Variants in ADARB2 observed in about 807,000 individuals in gnomAD.
ADARB2 encodes the protein adenosine deaminase RNA specific B2 (inactive).
ADARB2 carries 25 observed loss-of-function variants against 62.2 expected under a neutral mutation model. The observed-to-expected ratio is 0.40, with a 90% CI of 0.29 to 0.56. The LOEUF (loss-of-function observed/expected upper bound fraction) is 0.56, where lower values mean the gene tolerates loss of function less well. ADARB2 is among the 20% of genes least tolerant of loss of function. The pLI is 0.43. For missense variants in ADARB2, 1,071 were observed against 1,077.4 expected (o/e 0.99, Z 0.08); for synonymous variants, 572 against 500.8 (o/e 1.14, Z -1.90).
intron 1 of ADARB2, among the ~76,000 whole-genome samples, chr10:1,532,046 G>A (rs996677172): frequency 6.6e-6 from 1 of 152,184 alleles, no homozygotes; most frequent in Non-Finnish European, 1.5e-5. Context: ...ATTTGAATCA[G>A]AGCAAAACAT....
At chr10:1,483,849 T>C (rs111228313) in intron 1 of ADARB2, among the ~76,000 whole-genome samples, 2,947 of 152,322 alleles carry the variant, frequency 0.019, 84 homozygotes, top group African/African-American at 0.065. Flanking sequence ...GCTGGAATTA[T>C]CCCTCCAGTT....
intron 3 of ADARB2, among the ~76,000 whole-genome samples, chr10:1,276,084 T>C (rs192186223): frequency 0.093 from 14,060 of 151,962 alleles, 1,510 homozygotes; most frequent in African/African-American, 0.26. Context: ...ATCGCCACAC[T>C]GACTTCCACA....
chr10:1,261,628 A>C (rs1831137899), intron 4 of ADARB2, among the ~76,000 whole-genome samples: 1 of 149,738 alleles, frequency 6.7e-6, no homozygotes, highest in Non-Finnish European at 1.5e-5. Context: ...CAATCATTAA[A>C]AAGTCAGGAA....
chr10:1,258,575 G>T (rs1316024765), intron 4 of ADARB2, among the ~76,000 whole-genome samples: 1 of 152,060 alleles, frequency 6.6e-6, no homozygotes, highest in Non-Finnish European at 1.5e-5. Context: ...AATGGTAAAG[G>T]GATCAATTCA....
At chr10:1,412,188 G>A (rs1346073702) in intron 1 of ADARB2, among the ~76,000 whole-genome samples, 2 of 152,116 alleles carry the variant, frequency 1.3e-5, no homozygotes, top group Non-Finnish European at 2.9e-5. Context: ...GGACGGGTTC[G>A]GAGCGTGCTG....
intron 1 of ADARB2, among the ~76,000 whole-genome samples, chr10:1,732,861 A>C (rs1177681915): frequency 6.6e-6 from 1 of 152,198 alleles, no homozygotes; most frequent in Non-Finnish European, 1.5e-5. Flanking sequence ...CATCTGCTCG[A>C]CTTATTTTGT....
chr10:1,456,755 C>CT (rs1245293197), intron 1 of ADARB2, among the ~76,000 whole-genome samples: 1 of 152,150 alleles, frequency 6.6e-6, no homozygotes, highest in Non-Finnish European at 1.5e-5. Context: ...GTTGAGACTT[C>CT]TGTAAGAAAA....
At chr10:1,539,500 C>A (rs1370794685) in intron 1 of ADARB2, among the ~76,000 whole-genome samples, 1 of 152,194 alleles carries the variant, frequency 6.6e-6, no homozygotes, top group Non-Finnish European at 1.5e-5. Flanking sequence ...GACTAGGCTA[C>A]CTATGGTGGT....
rs542293913 is a variant in ADARB2 at position 1,504,777 on chromosome 10, A to G, written c.101-125617T>C. On this transcript the variant is annotated intron_variant, in intron 1 of 9. Transcript: ENST00000381312. The stretch of plus-strand genomic sequence containing the variant: ...AAAATTCTTAAAAAGTATTCTTACT[A>G]TTCATTTTTTGCTATTAATATACAA... Among the ~76,000 whole-genome samples the G allele has an allele frequency of 6.0e-4, 92 of 152,320 alleles. 1 individual carries two copies. The South Asian group carries it at 0.017, about 28-fold the overall frequency.
intron 1 of ADARB2, among the ~76,000 whole-genome samples, chr10:1,692,669 T>C (rs1834688236): frequency 6.6e-6 from 1 of 151,946 alleles, no homozygotes; most frequent in Admixed American, 6.6e-5. Flanking sequence ...AAGGCCTGTC[T>C]AAAGTAAACA....
At chr10:1,494,777 T>C (rs1831666718) in intron 1 of ADARB2, among the ~76,000 whole-genome samples, 1 of 152,144 alleles carries the variant, frequency 6.6e-6, no homozygotes, top group Non-Finnish European at 1.5e-5. Flanking sequence ...TGTGGGGGTC[T>C]TTGACCTCCC....
intron 3 of ADARB2, among the ~76,000 whole-genome samples, chr10:1,275,185 T>G (rs1371452963): frequency 6.6e-6 from 1 of 152,220 alleles, no homozygotes; most frequent in Non-Finnish European, 1.5e-5. Context: ...CTTGACTCAC[T>G]GGGGAGGGCT....
intron 1 of ADARB2, among the ~76,000 whole-genome samples, chr10:1,424,332 C>G (rs1051577576): frequency 6.6e-6 from 1 of 152,164 alleles, no homozygotes; most frequent in Non-Finnish European, 1.5e-5. Flanking sequence ...AATGGATGCT[C>G]TGTGGGCCTG....
At chr10:1,676,596 A>G (rs916473355) in intron 1 of ADARB2, among the ~76,000 whole-genome samples, 2 of 152,126 alleles carry the variant, frequency 1.3e-5, no homozygotes, top group African/African-American at 2.4e-5. Context: ...GGCTCAAGCA[A>G]TCCTCCTACC....
At position 1,242,133 on chromosome 10, in the gene ADARB2, C is replaced by T; in HGVS notation, c.1359G>A (p.Leu453=). ...GGAGCCCGTCCCCAGCCGCTCACCT[C>T]AGGTGCAGCTCCAGCTGCGTGTAGA... ...HFLYTQLELH[L]SKRREDSERS... The change falls in exon 5 of 10, where the codon CTG becomes CTA. Residue 453 remains leucine, a splice_region_variant and synonymous_variant. Transcript: ENST00000381312. 1 of 1,604,692 alleles carries T rather than the reference C, an allele frequency of 6.2e-7. No individual in the cohort carries two copies. The highest frequency in any genetic ancestry group is 1.1e-5 in the South Asian group (1 of 90,632).
intron 1 of ADARB2, among the ~76,000 whole-genome samples, chr10:1,380,536 A>T (rs999729156): frequency 2.6e-5 from 4 of 152,140 alleles, no homozygotes; most frequent in Admixed American, 2.0e-4. Flanking sequence ...AGGCGTCCAG[A>T]CTCAGCCTGA....
At chr10:1,207,771 C>G (rs1837089137) in intron 7 of ADARB2, among the ~76,000 whole-genome samples, 1 of 152,218 alleles carries the variant, frequency 6.6e-6, no homozygotes, top group African/African-American at 2.4e-5. Context: ...AGCTCAGGTA[C>G]TTAAAATTAG....
chr10:1,722,612 C>T (rs1024381818), intron 1 of ADARB2, among the ~76,000 whole-genome samples: 9 of 152,116 alleles, frequency 5.9e-5, no homozygotes, highest in Non-Finnish European at 1.0e-4. Flanking sequence ...TATTTCATTC[C>T]GTTTCTTGGT....
intron 1 of ADARB2, among the ~76,000 whole-genome samples, chr10:1,466,817 T>C (rs968526423): frequency 6.6e-6 from 1 of 152,190 alleles, no homozygotes; most frequent in African/African-American, 2.4e-5. Context: ...GTGACACTGC[T>C]TATCAGAAGC....
Sources: gnomAD v4.1 joint callset for allele counts (sites outside exome capture counted in the v4.1 genomes callset) on GRCh38, gnomAD v4.1.1 for gene constraint, MANE v1.5 for transcripts, NCBI Gene and HGNC (gene_info 2026-07-23, HGNC 2026-07-21) for gene names.